The following ANAPC13 variants were observed in gnomAD, a reference collection of about 807,000 sequenced individuals.
ANAPC13 encodes anaphase-promoting complex subunit 13.
A neutral mutation model predicts 9.6 loss-of-function variants in ANAPC13; 9 were observed. That is an observed-to-expected ratio of 0.94 (90% confidence interval 0.57 to 1.64). ANAPC13 has a LOEUF of 1.64. Among genes scored for constraint, ANAPC13 ranks in the 40% most tolerant of loss-of-function variants. The pLI is 0.00. For missense variants in ANAPC13, 75 were observed against 85.3 expected (o/e 0.88, Z 0.48); for synonymous variants, 30 against 29.7 (o/e 1.01, Z -0.03).
rs1342462354 is a variant in ANAPC13, at chr3:134,478,308, C to G, written c.*282G>C. The G allele has an allele frequency of 9.1e-6, 3 of 329,430 alleles. No homozygotes were observed. In the Admixed American group the frequency reaches 1.4e-4, roughly 16 times the overall value. 20.4% of individuals were successfully genotyped at this position (329,430 alleles called of 1,614,324 possible). ...GTAGTTGGAAGGTGTTAAACTTTGACAGCAAAGCAAAATCAGAGGTAGAGG... is the reference window on the plus strand; with the variant it reads ...GTAGTTGGAAGGTGTTAAACTTTGAGAGCAAAGCAAAATCAGAGGTAGAGG... On this transcript the variant is annotated 3_prime_UTR_variant, in exon 3 of 3. Coordinates refer to ENST00000354910, the MANE Select transcript of ANAPC13 (RefSeq NM_015391.4).
chr3:134,485,320 G>T (rs1935015234), intron 1 of ANAPC13: 1 of 152,248 alleles, frequency 6.6e-6, no homozygotes, highest in Non-Finnish European at 1.5e-5. Flanking sequence ...TCTTACTCAC[G>T]TGACAGTCCC....
intron 2 of ANAPC13, among the ~76,000 whole-genome samples, chr3:134,480,012 AAT>A (rs1160584145): frequency 1.3e-5 from 2 of 152,214 alleles, no homozygotes; most frequent in African/African-American, 2.4e-5. Flanking sequence ...GTAGTATGTG[AAT>A]ATGTTTTCCC....
At chr3:134,483,126 G>C in intron 1 of ANAPC13, 195 bp from the exon 2 acceptor site, 1 of 571,690 alleles carries the variant, frequency 1.7e-6, no homozygotes, top group South Asian at 2.2e-5. Flanking sequence ...AGTGTATACT[G>C]GACAGGCATA....
intron 1 of ANAPC13, chr3:134,483,243 C>T (rs958733641): frequency 3.9e-6 from 1 of 257,962 alleles, no homozygotes; most frequent in Non-Finnish European, 7.6e-6. Flanking sequence ...TCTCTTCTAA[C>T]TTGAACATTC....
chr3:134,481,415 C>T (rs1934731898), intron 2 of ANAPC13, among the ~76,000 whole-genome samples: 2 of 152,230 alleles, frequency 1.3e-5, no homozygotes, highest in African/African-American at 4.8e-5. Flanking sequence ...TCTGTCCCCT[C>T]TGCTGCAATA....
At chr3:134,478,826 G>T in intron 2 of ANAPC13, 111 bp from the exon 3 acceptor site, 2 of 1,214,488 alleles carry the variant, frequency 1.6e-6, no homozygotes, top group Non-Finnish European at 2.3e-6. Context: ...CAACATAATT[G>T]ATATGTGTAT....
At chr3:134,483,664 T>G (rs2887797) in intron 1 of ANAPC13, among the ~76,000 whole-genome samples, 101,402 of 152,108 alleles carry the variant, frequency 0.67, 34,216 homozygotes, top group East Asian at 0.82. Context: ...GGCTAGCTTG[T>G]AGGATACTTC....
chr3:134,481,903 A>G (rs1934742668), intron 2 of ANAPC13, among the ~76,000 whole-genome samples: 1 of 152,262 alleles, frequency 6.6e-6, no homozygotes, highest in African/African-American at 2.4e-5. Flanking sequence ...TCCATGGCAT[A>G]AAACTGGTAT....
At chr3:134,482,153 C>CTTTAAAGAAAAACAGTCCTGT (rs1459920019) in intron 2 of ANAPC13, among the ~76,000 whole-genome samples, 5 of 152,172 alleles carry the variant, frequency 3.3e-5, no homozygotes, top group African/African-American at 1.2e-4. Flanking sequence ...AGCTGGCATG[C>CTTTAAAGAAAAACAGTCCTGT]TTTAAAGAAA....
chr3:134,480,511 C>T (rs1264921106), intron 2 of ANAPC13, among the ~76,000 whole-genome samples: 2 of 152,200 alleles, frequency 1.3e-5, no homozygotes, highest in Middle Eastern at 3.2e-3. Flanking sequence ...TGGACTGGCC[C>T]TGTGAGTTGT....
At chr3:134,481,086 T>C (rs2107700532) in intron 2 of ANAPC13, among the ~76,000 whole-genome samples, 1 of 152,340 alleles carries the variant, frequency 6.6e-6, no homozygotes, top group South Asian at 2.1e-4. Flanking sequence ...TTCTTGACTT[T>C]GTTTAGGCCC....
chr3:134,481,960 A>G (rs772880882), intron 2 of ANAPC13, among the ~76,000 whole-genome samples: 3 of 152,188 alleles, frequency 2.0e-5, no homozygotes, highest in Non-Finnish European at 2.9e-5. Context: ...TCTTTTGACT[A>G]TTTTCCTAAG....
chr3:134,484,234 G>C (rs1055552531), intron 1 of ANAPC13, among the ~76,000 whole-genome samples: 2 of 152,150 alleles, frequency 1.3e-5, no homozygotes, highest in African/African-American at 4.8e-5. Flanking sequence ...CAAAAAATTA[G>C]CCGAGCATGG....
rs190583499 is a variant in ANAPC13 at position 134,484,105 on chromosome 3, G to T, written c.-27-1174C>A. ...TTTGTAAAAATGGCTCACAGGGCCG[G>T]GCGCGGTGGCTCGCGCCTGTAATCC... is the stretch of plus-strand genomic sequence containing the variant. On this transcript the variant is annotated intron_variant, in intron 1 of 2. Transcript: ENST00000354910. Among the ~76,000 whole-genome samples, 248 of 152,320 alleles carry T rather than the reference G, an allele frequency of 1.6e-3. 1 individual carries two copies. The highest frequency in any genetic ancestry group is 5.7e-3 in the African/African-American group (238 of 41,572).
At chr3:134,482,504 C>A (rs537309874) in intron 2 of ANAPC13, among the ~76,000 whole-genome samples, 1 of 152,278 alleles carries the variant, frequency 6.6e-6, no homozygotes, top group South Asian at 2.1e-4. Context: ...CCCCATCTTG[C>A]GCATTAAACT....
At chr3:134,481,809 T>C (rs1187267524) in intron 2 of ANAPC13, among the ~76,000 whole-genome samples, 2 of 152,242 alleles carry the variant, frequency 1.3e-5, no homozygotes, top group Non-Finnish European at 2.9e-5. Flanking sequence ...TCTGATCCTA[T>C]TCTTTTCCTA....
chr3:134,483,867 G>A (rs1304889426), intron 1 of ANAPC13, among the ~76,000 whole-genome samples: 2 of 152,206 alleles, frequency 1.3e-5, no homozygotes, highest in Non-Finnish European at 2.9e-5. Context: ...CCCACCATCT[G>A]GAGGTGCTTT....
intron 2 of ANAPC13, 90 bp downstream of exon 2, chr3:134,482,716 C>A (rs943410804): frequency 7.3e-5 from 74 of 1,018,648 alleles, no homozygotes; most frequent in Non-Finnish European, 4.7e-6. Context: ...TTCTTTGCCA[C>A]ACTAGTTTAT....
intron 2 of ANAPC13, among the ~76,000 whole-genome samples, chr3:134,482,456 T>C (rs905870541): frequency 1.3e-5 from 2 of 152,242 alleles, no homozygotes; most frequent in African/African-American, 4.8e-5. Flanking sequence ...GGCAGGGAAG[T>C]AAGAAACAGA....
Sources: gnomAD v4.1 joint callset for allele counts (sites outside exome capture counted in the v4.1 genomes callset) on GRCh38, gnomAD v4.1.1 for gene constraint, MANE v1.5 for transcripts, NCBI Gene and HGNC (gene_info 2026-07-23, HGNC 2026-07-21) for gene names.